DUSP15: variants seen among roughly 807,000 people sequenced by gnomAD.
DUSP15 encodes the protein dual specificity protein phosphatase 15.
Under a neutral mutation model 26.3 loss-of-function variants are expected in DUSP15, and 23 were observed. The observed-to-expected ratio is 0.87, with a 90% CI of 0.63 to 1.24. The LOEUF is 1.24. Among genes scored for constraint, DUSP15 ranks in the 50% most tolerant of loss-of-function variants. The probability of loss-of-function intolerance (pLI) is 0.00; values close to 1 mark genes in which losing one functional copy is unlikely to be tolerated. For synonymous variants in DUSP15, 143 were observed against 135.5 expected (o/e 1.06, Z -0.39); for missense variants, 364 against 320.6 (o/e 1.14, Z -1.03).
At chr20:31,848,938 C>T (rs754212081) in intron 8 of DUSP15, 2 of 1,562,018 alleles carry the variant, frequency 1.3e-6, no homozygotes, top group Non-Finnish European at 1.8e-6. Flanking sequence ...GACACTGAGA[C>T]TATAGGGACT....
Position 31,848,539 on chromosome 20 carries a change from G to A in DUSP15, c.753C>T (p.Ser251=), listed in dbSNP as rs766234714. ...TTGAGGCACTTAGAGTGCAGGACGA[G>A]CTCCCAGGCCGAAGCTGCACCTGCA... Residue 251 remains serine, a synonymous_variant, in exon 10 of 10, where the codon AGC becomes AGT. Coordinates refer to the DUSP15 transcript ENST00000278979. The A allele has an allele frequency of 2.5e-6, 4 of 1,578,342 alleles. No individual in the cohort carries two copies. The Admixed American group carries it at 7.6e-5, about 30-fold the overall frequency.
In DUSP15 at chr20:31,861,579, C is replaced by T; in HGVS notation, c.532G>A (p.Gly178Ser). The change falls in exon 7 of 7, where the codon GGC becomes AGC. Residue 178 changes from glycine (G) to serine (S), a missense_variant. By Grantham distance (56) the Gly-to-Ser change is moderately conservative. Transcript: ENST00000339738. ...GCGGAGGAGGCCGAGGTCGCGGAGCCCTGCCGGCAGCGCTTGCACAGCGGC... is the reference window on the plus strand; with the variant it reads ...GCGGAGGAGGCCGAGGTCGCGGAGCTCTGCCGGCAGCGCTTGCACAGCGGC... ...LLPLCKRCRQ[G>S]SATSASSAGP... 5 of 1,498,044 alleles carry T rather than the reference C, an allele frequency of 3.3e-6. No individual in the cohort carries two copies. Among genetic ancestry groups the T allele is most frequent in the Non-Finnish European group, 4.4e-6 (5 of 1,131,990 alleles). 92.8% of individuals were successfully genotyped at this position (1,498,044 alleles called of 1,614,324 possible). A position where few individuals can be genotyped will look rare whatever the true frequency, so the allele number is the denominator to read the frequency against.
At chr20:31,868,544 A>G (rs2062825502) in intron 2 of DUSP15, among the ~76,000 whole-genome samples, 1 of 133,968 alleles carries the variant, frequency 7.5e-6, no homozygotes, top group Non-Finnish European at 1.5e-5. Context: ...CAGTGGCACG[A>G]TCTCGGCTGA....
intron 8 of DUSP15, among the ~76,000 whole-genome samples, chr20:31,849,375 A>G (rs964931821): frequency 6.6e-6 from 1 of 151,788 alleles, no homozygotes; most frequent in Non-Finnish European, 1.5e-5. Context: ...CTTTTGTGCC[A>G]TATTCTTTGT....
chr20:31,861,997 C>T (rs771111452), intron 6 of DUSP15, among the ~76,000 whole-genome samples: 10 of 146,324 alleles, frequency 6.8e-5, no homozygotes, highest in Non-Finnish European at 1.5e-4. Context: ...TGGGTAACTC[C>T]TCCCACTTTG....
chr20:31,853,144 A>G (rs1600441334), intron 6 of DUSP15, among the ~76,000 whole-genome samples: 1 of 151,456 alleles, frequency 6.6e-6, no homozygotes, highest in East Asian at 1.9e-4. Flanking sequence ...AGCTCCTACT[A>G]GGACCCCAGC....
chr20:31,855,965 T>G (rs932192470), intron 6 of DUSP15, among the ~76,000 whole-genome samples: 1 of 152,198 alleles, frequency 6.6e-6, no homozygotes, highest in Non-Finnish European at 1.5e-5. Flanking sequence ...TCCATAGGTT[T>G]TGGGGAACAG....
intron 6 of DUSP15, among the ~76,000 whole-genome samples, chr20:31,851,318 A>G (rs1221418115): frequency 2.0e-5 from 3 of 152,008 alleles, no homozygotes; most frequent in Admixed American, 2.0e-4. Context: ...TGAGCTGTCG[A>G]CGATGGCGGA....
At chr20:31,861,698 G>T in intron 6 of DUSP15, 23 bp from the exon 7 acceptor site, 19 of 1,296,796 alleles carry the variant, frequency 1.5e-5, no homozygotes, top group Non-Finnish European at 1.8e-5. Flanking sequence ...GGTGAGGTGG[G>T]CGGGGTCAAG....
intron 7 of DUSP15, chr20:31,849,991 A>G: frequency 7.8e-7 from 1 of 1,284,422 alleles, no homozygotes; most frequent in Non-Finnish European, 1.0e-6. Context: ...TCTACCTCGG[A>G]AATTTTGGGT....
chr20:31,869,650 C>A, intron 1 of DUSP15, 53 bp from the exon 2 acceptor site: 1 of 1,605,482 alleles, frequency 6.2e-7, no homozygotes, highest in South Asian at 1.1e-5. Flanking sequence ...CCCCCTTCCA[C>A]CCCCAGGGCA....
chr20:31,867,190 CGG>C (rs900073074), intron 2 of DUSP15, 37 bp from the exon 3 acceptor site: 2 of 1,550,828 alleles, frequency 1.3e-6, no homozygotes, highest in Non-Finnish European at 1.7e-6. Flanking sequence ...ATCTGGCTGG[CGG>C]GATGTCCTGA....
downstream of DUSP15, among the ~76,000 whole-genome samples, chr20:31,860,010 G>T (rs1185828645): frequency 6.6e-6 from 1 of 152,182 alleles, no homozygotes; most frequent in African/African-American, 2.4e-5. Context: ...TGTCTGCCTG[G>T]AATGCTTCCC....
intron 7 of DUSP15, among the ~76,000 whole-genome samples, chr20:31,850,298 G>A (rs2062447945): frequency 1.3e-5 from 2 of 152,212 alleles, no homozygotes; most frequent in African/African-American, 2.4e-5. Flanking sequence ...CCAGGCCCTC[G>A]GATTCTAGTC....
chr20:31,852,606 T>A (rs1397369717), intron 6 of DUSP15, among the ~76,000 whole-genome samples: 1 of 151,494 alleles, frequency 6.6e-6, no homozygotes, highest in East Asian at 1.9e-4. Context: ...AGGTCAGGAG[T>A]TTGAGACCCC....
At chr20:31,852,073 T>C (rs1047943367) in intron 6 of DUSP15, among the ~76,000 whole-genome samples, 2 of 151,268 alleles carry the variant, frequency 1.3e-5, no homozygotes, top group Admixed American at 1.3e-4. Context: ...AATGGTGCGA[T>C]CTCGGCTCAC....
downstream of DUSP15, among the ~76,000 whole-genome samples, chr20:31,846,699 T>A (rs2062382061): frequency 6.6e-6 from 1 of 152,074 alleles, no homozygotes; most frequent in Admixed American, 6.5e-5. Flanking sequence ...GGAGAGCCCA[T>A]GAAATTCAGT....
At position 31,870,152 on chromosome 20, in the gene DUSP15, G is replaced by T. The variant is rs1287489726; in HGVS notation, c.21+165C>A. 3.3e-6 allele frequency: 4 copies of T among 1,228,356 alleles called. No homozygotes were observed. The highest frequency in any genetic ancestry group is 4.0e-5 in the Admixed American group (1 of 24,852). The allele number at this position is 1,228,356 out of a possible 1,614,324, so 76.1% of individuals were successfully genotyped here. On this transcript the variant is annotated intron_variant, in intron 1 of 6. Coordinates refer to ENST00000339738, the MANE Select transcript of DUSP15 (RefSeq NM_080611.5). This position sits in a 1 kb window ranked among gnomAD's most constrained non-coding sequence, Gnocchi z 6.6. ...GGGACAGAGACGCAGGGTCAGAGAG[G>T]GGGAGACCCGACAGCCGCGGTCTCG... is the stretch of plus-strand genomic sequence containing the variant.
upstream of DUSP15, chr20:31,870,552 G>A (rs1481323082): frequency 2.8e-6 from 4 of 1,444,040 alleles, no homozygotes; most frequent in South Asian, 1.4e-5. The surrounding 1 kb of genome is among the most constrained non-coding windows in gnomAD (Gnocchi z 6.6). Context: ...CGCTGCCACC[G>A]CCGCCGCCGC....
Sources: gnomAD v4.1 joint callset for allele counts (sites outside exome capture counted in the v4.1 genomes callset) on GRCh38, gnomAD v4.1.1 for gene constraint, Gnocchi (gnomAD v3.1) non-coding constraint, MANE v1.5 for transcripts, NCBI Gene and HGNC (gene_info 2026-07-23, HGNC 2026-07-21) for gene names.